FDFT1: variants seen among roughly 807,000 people sequenced by gnomAD.
FDFT1 encodes farnesyl-diphosphate farnesyltransferase 1, also known as squalene synthase.
FDFT1 carries 68 observed loss-of-function variants against 46.8 expected under a neutral mutation model. The observed-to-expected ratio is 1.45, with a 90% CI of 1.19 to 1.78. The LOEUF is 1.78. FDFT1 is among the 40% of genes most tolerant of loss of function. The probability of loss-of-function intolerance (pLI) is 0.00; values close to 1 mark genes in which losing one functional copy is unlikely to be tolerated. For missense variants in FDFT1, 928 were observed against 524.4 expected, an observed-to-expected ratio of 1.77 and a Z score of -7.52; for synonymous variants, 351 against 185.1, an observed-to-expected ratio of 1.90 and a Z score of -7.28.
chr8:11,808,765 C>A, intron 1 of FDFT1, 29 bp from the exon 2 acceptor site: 16 of 1,610,878 alleles, frequency 9.9e-6, no homozygotes, highest in Non-Finnish European at 1.4e-5. Context: ...TCGACGTCTC[C>A]CACCGCCGTG....
At chr8:11,826,908 T>TA (rs1810071782) in intron 5 of FDFT1, among the ~76,000 whole-genome samples, 2 of 152,188 alleles carry the variant, frequency 1.3e-5, no homozygotes. Context: ...GGATTACGTC[T>TA]ACACAGTACA....
chr8:11,804,534 A>G (rs906043643), intron 1 of FDFT1, among the ~76,000 whole-genome samples: 2 of 151,490 alleles, frequency 1.3e-5, no homozygotes, highest in African/African-American at 4.9e-5. Context: ...AAATACCTGA[A>G]CCTTTAATTA....
upstream of FDFT1, among the ~76,000 whole-genome samples, chr8:11,797,638 CAAAA>C (rs34350077): frequency 1.5e-3 from 117 of 75,512 alleles, no homozygotes; most frequent in African/African-American, 5.7e-3. Flanking sequence ...CACACACACT[CAAAA>C]AAAAAAAAAA....
chr8:11,810,841 C>G (rs775240108), intron 3 of FDFT1, among the ~76,000 whole-genome samples: 13 of 148,410 alleles, frequency 8.8e-5, no homozygotes, highest in Non-Finnish European at 1.8e-4. Flanking sequence ...CAAACCTAAT[C>G]TGTAGCTGAG....
intron 5 of FDFT1, among the ~76,000 whole-genome samples, chr8:11,829,781 G>A (rs953375805): frequency 1.3e-5 from 2 of 152,092 alleles, no homozygotes; most frequent in Non-Finnish European, 2.9e-5. Context: ...AAATGAACTT[G>A]ATCTTCGTGA....
intron 7 of FDFT1, among the ~76,000 whole-genome samples, chr8:11,833,460 G>A (rs887291773): frequency 2.0e-5 from 3 of 152,210 alleles, no homozygotes; most frequent in Non-Finnish European, 4.4e-5. Flanking sequence ...GTAAGTAGTT[G>A]AGAGTGTTTT....
chr8:11,826,975 G>A (rs1188121988), intron 5 of FDFT1, among the ~76,000 whole-genome samples: 2 of 152,236 alleles, frequency 1.3e-5, no homozygotes, highest in Non-Finnish European at 2.9e-5. Flanking sequence ...GAAAGGGATG[G>A]CAGGTAGACA....
At chr8:11,797,876 C>G (rs1805727104), upstream of FDFT1, 1 of 152,160 alleles carries the variant, frequency 6.6e-6, no homozygotes, top group Non-Finnish European at 1.5e-5. Context: ...ATAAGTGCTG[C>G]TAGGACTGGA....
At chr8:11,818,103 T>C (rs915553244) in intron 3 of FDFT1, among the ~76,000 whole-genome samples, 2 of 152,242 alleles carry the variant, frequency 1.3e-5, no homozygotes, top group African/African-American at 4.8e-5. Context: ...TATTTCTGCT[T>C]TCATTTCGTT....
At chr8:11,831,217 T>C (rs1052809507) in intron 6 of FDFT1, among the ~76,000 whole-genome samples, 3 of 152,262 alleles carry the variant, frequency 2.0e-5, no homozygotes, top group Non-Finnish European at 4.4e-5. Flanking sequence ...TCCATTGCTC[T>C]AGCATGGAAA....
chr8:11,829,546 T>A (rs78947955), intron 5 of FDFT1, among the ~76,000 whole-genome samples: 6,213 of 152,320 alleles, frequency 0.041, 178 homozygotes, highest in African/African-American at 0.075. Flanking sequence ...TTGAGAAGGT[T>A]TACTGTTTAG....
At chr8:11,821,522 C>T (rs891833426) in intron 3 of FDFT1, among the ~76,000 whole-genome samples, 4 of 152,120 alleles carry the variant, frequency 2.6e-5, no homozygotes, top group Non-Finnish European at 4.4e-5. Context: ...ACCTGGGAGG[C>T]GGAGTTTGCA....
chr8:11,815,961 G>C (rs1808390287), intron 3 of FDFT1, among the ~76,000 whole-genome samples: 1 of 152,162 alleles, frequency 6.6e-6, no homozygotes, highest in Non-Finnish European at 1.5e-5. Context: ...GTCCTGAATG[G>C]TATTGACTGC....
intron 4 of FDFT1, among the ~76,000 whole-genome samples, chr8:11,824,976 C>A (rs879629654): frequency 6.6e-6 from 1 of 152,148 alleles, no homozygotes; most frequent in Non-Finnish European, 1.5e-5. Context: ...ATCTCGTGAT[C>A]CGCCCGTCTC....
Position 11,821,904 on chromosome 8 carries a change from G to C in FDFT1, c.510+26G>C, listed in dbSNP as rs755797325. On this transcript the variant is annotated intron_variant, in intron 4 of 7. Transcript: ENST00000220584. The stretch of plus-strand genomic sequence containing the variant: ...GTTAGTCTCATAAAACAGTGTCTGT[G>C]TGTGATGTATTAGACAGAGCTGGCA... 4 of 1,609,410 alleles carry C rather than the reference G, an allele frequency of 2.5e-6. No homozygotes were observed. The East Asian group carries it at 6.7e-5, about 27-fold the overall frequency.
chr8:11,798,448 G>A (rs1212792879), upstream of FDFT1, among the ~76,000 whole-genome samples: 1 of 151,476 alleles, frequency 6.6e-6, no homozygotes, highest in Non-Finnish European at 1.5e-5. Context: ...AAGAAGATGT[G>A]GCTTAAACCA....
At chr8:11,837,382 C>T (rs566854452) in intron 7 of FDFT1, among the ~76,000 whole-genome samples, 108 of 152,310 alleles carry the variant, frequency 7.1e-4, no homozygotes, top group African/African-American at 2.5e-3. Flanking sequence ...CAGGTGCATG[C>T]CACGATGCCC....
In FDFT1 at chr8:11,826,042, G is replaced by T; in HGVS notation, c.529G>T (p.Gly177Trp). ...EWDKYCHYVA[G>W]LVGIGLSRLF... ...CTTACAGTACTGCCACTATGTTGCT[G>T]GGCTGGTCGGAATTGGCCTTTCCCG... The change falls in exon 5 of 8, where the codon GGG becomes TGG. Residue 177 changes from glycine to tryptophan, a missense_variant. Physicochemically the swap from Gly to Trp is radical, Grantham distance 184 (BLOSUM62 -2). Transcript: ENST00000220584. 1 of 1,595,066 alleles carries T rather than the reference G, an allele frequency of 6.3e-7. No individual in the cohort carries two copies. The highest frequency in any genetic ancestry group is 8.6e-7 in the Non-Finnish European group (1 of 1,166,274).
intron 5 of FDFT1, among the ~76,000 whole-genome samples, chr8:11,829,632 C>G (rs1042649054): frequency 2.0e-5 from 3 of 152,256 alleles, no homozygotes; most frequent in South Asian, 2.1e-4. Flanking sequence ...CTAACAGGAG[C>G]CTCTTTAGCC....
Sources: allele counts gnomAD v4.1 joint callset (sites outside exome capture counted in the v4.1 genomes callset), GRCh38; gene constraint gnomAD v4.1.1; transcripts MANE v1.5; gene names NCBI Gene and HGNC (gene_info 2026-07-23, HGNC 2026-07-21).